Variants in LARGE1 observed in about 807,000 individuals in gnomAD.
LARGE1 encodes the protein xylosyl- and glucuronyltransferase LARGE1.
Under a neutral mutation model 87.6 loss-of-function variants are expected in LARGE1, and 43 were observed. The observed-to-expected ratio is 0.49, with a 90% confidence interval of 0.38 to 0.63. The LOEUF (loss-of-function observed/expected upper bound fraction) is 0.63, where lower values mean the gene tolerates loss of function less well. Among genes scored for constraint, LARGE1 ranks in the 30% least tolerant of loss-of-function variants. The pLI is 0.00. For synonymous variants in LARGE1, 434 were observed against 394.6 expected, an observed-to-expected ratio of 1.10 and a Z score of -1.18; for missense variants, 802 against 1,000.2, an observed-to-expected ratio of 0.80 and a Z score of 2.67.
rs1266371234 is a variant in LARGE1 at position 33,183,580 on chromosome 22, TAA to T, written c.1731-16750_1731-16749del. On this transcript the variant is annotated intron_variant, in intron 11 of 11. Transcript: ENST00000608642. ...CAATAGCCAAGATTTGAAAACAACC[TAA>T]GTCTCTATTGATGGATAAAACACAC... is the stretch of plus-strand genomic sequence containing the variant. Among the ~76,000 whole-genome samples, 5 of 149,802 alleles carry T rather than the reference TAA, an allele frequency of 3.3e-5. No homozygotes were observed. In the East Asian group the frequency reaches 9.8e-4, roughly 29 times the overall value.
At chr22:33,165,703 AT>A (rs1922232792) in exon 12 of LARGE1, 1 of 152,176 alleles carries the variant, frequency 6.6e-6, no homozygotes, top group Non-Finnish European at 1.5e-5. Flanking sequence ...TTTATCTCTG[AT>A]ATGATACAAT....
chr22:33,178,178 T>TAGGATCACC (rs1922979964), intron 11 of LARGE1, among the ~76,000 whole-genome samples: 1 of 152,180 alleles, frequency 6.6e-6, no homozygotes, highest in Non-Finnish European at 1.5e-5. Context: ...CCTGCATCAC[T>TAGGATCACC]AGGATCACCA....
chr22:33,739,386 A>G (rs2083789900), intron 2 of LARGE1, among the ~76,000 whole-genome samples: 1 of 152,246 alleles, frequency 6.6e-6, no homozygotes, highest in African/African-American at 2.4e-5. Context: ...CATAGCATGA[A>G]AAAAGGCATA....
chr22:33,465,499 A>G (rs1569187879), intron 6 of LARGE1, among the ~76,000 whole-genome samples: 2 of 152,190 alleles, frequency 1.3e-5, no homozygotes, highest in South Asian at 2.1e-4. Context: ...CACATATACC[A>G]ACAAAAACAA....
intron 11 of LARGE1, among the ~76,000 whole-genome samples, chr22:33,242,751 A>G (rs978312253): frequency 6.6e-6 from 1 of 152,204 alleles, no homozygotes; most frequent in Admixed American, 6.5e-5. Flanking sequence ...AACTGGTGGC[A>G]TATCAACAGA....
Position 33,498,699 on chromosome 22 carries a change from C to T in LARGE1, c.787+66149G>A, listed in dbSNP as rs556164770. ...TATAAAAAATAAAACAGGCCAGGCG[C>T]GGGGGCTCACACCTGTAATCCCAGC... On this transcript the variant is annotated intron_variant, in intron 6 of 14. Transcript: ENST00000397394. Among the ~76,000 whole-genome samples, 10 of 152,240 alleles carry T rather than the reference C, an allele frequency of 6.6e-5. No homozygotes were observed. In the South Asian group the frequency reaches 1.2e-3, roughly 19 times the overall value.
At chr22:33,365,557 T>C (rs2064553802) in intron 9 of LARGE1, among the ~76,000 whole-genome samples, 1 of 152,186 alleles carries the variant, frequency 6.6e-6, no homozygotes, top group South Asian at 2.1e-4. Flanking sequence ...GTTGCTTATA[T>C]ATTTTGTTTA....
rs1271737678 is a variant in LARGE1 at position 33,796,471 on chromosome 22, C to CAAA, written c.-82-34916_-82-34914dup. ...ACCTCTTTTGAGCCCCCGCTAGACT[C>CAAA]AAATTCCCAGGGAAAACAAAAAAGA... On this transcript the variant is annotated intron_variant, in intron 1 of 14. Coordinates refer to ENST00000397394, the MANE Select transcript of LARGE1 (RefSeq NM_133642.5). Among the ~76,000 whole-genome samples, 3 of 152,264 alleles carry CAAA rather than the reference C, an allele frequency of 2.0e-5. No individual in the cohort carries two copies. In the East Asian group the frequency reaches 5.8e-4, roughly 29 times the overall value.
intron 12 of LARGE1, among the ~76,000 whole-genome samples, chr22:33,285,276 C>T (rs975098167): frequency 2.0e-5 from 3 of 152,084 alleles, no homozygotes; most frequent in African/African-American, 7.2e-5. Context: ...AAAAGGTAGG[C>T]ATTGTAAGGC....
At chr22:33,831,474 G>C (rs932125481) in intron 1 of LARGE1, among the ~76,000 whole-genome samples, 1 of 152,146 alleles carries the variant, frequency 6.6e-6, no homozygotes, top group African/African-American at 2.4e-5. Flanking sequence ...CGTGAGGACG[G>C]AGTGGGAGGC....
intron 11 of LARGE1, among the ~76,000 whole-genome samples, chr22:33,211,260 T>G (rs1247538382): frequency 6.6e-6 from 1 of 152,138 alleles, no homozygotes; most frequent in Non-Finnish European, 1.5e-5. Context: ...ACAATAGTAT[T>G]GAAATAAGGA....
chr22:33,174,572 A>G (rs1018561253), intron 11 of LARGE1, among the ~76,000 whole-genome samples: 2 of 152,146 alleles, frequency 1.3e-5, no homozygotes, highest in Admixed American at 1.3e-4. Context: ...GAAAAGATCA[A>G]CAACAAAATA....
chr22:33,818,403 A>G (rs916692933), intron 1 of LARGE1, among the ~76,000 whole-genome samples: 1 of 152,140 alleles, frequency 6.6e-6, no homozygotes, highest in Non-Finnish European at 1.5e-5. Context: ...TTCAATGAAT[A>G]TTTTCTGAAT....
intron 9 of LARGE1, among the ~76,000 whole-genome samples, chr22:33,346,884 CAA>C (rs1250722045): frequency 6.6e-6 from 1 of 152,086 alleles, no homozygotes; most frequent in South Asian, 2.1e-4. Flanking sequence ...TAGGAATGCC[CAA>C]AAAGTTACAT....
At chr22:33,752,653 G>A (rs985570436) in intron 2 of LARGE1, among the ~76,000 whole-genome samples, 6 of 152,182 alleles carry the variant, frequency 3.9e-5, no homozygotes, top group Non-Finnish European at 8.8e-5. Flanking sequence ...AACTCCAAGG[G>A]AAGGATGAGA....
At chr22:33,888,262 G>GA (rs201913335) in intron 1 of LARGE1, among the ~76,000 whole-genome samples, 18 of 145,466 alleles carry the variant, frequency 1.2e-4, no homozygotes, top group Non-Finnish European at 2.3e-4. Flanking sequence ...TTTAAAAAAC[G>GA]AAAAAAAAAA....
At chr22:33,359,763 A>G (rs2146874183) in intron 9 of LARGE1, among the ~76,000 whole-genome samples, 1 of 148,412 alleles carries the variant, frequency 6.7e-6, no homozygotes, top group East Asian at 2.0e-4. Flanking sequence ...ATGGGGTTTC[A>G]CTGTGTTAGC....
At chr22:33,763,838 C>CTTT (rs71187279) in intron 1 of LARGE1, among the ~76,000 whole-genome samples, 6 of 71,190 alleles carry the variant, frequency 8.4e-5, no homozygotes, top group South Asian at 6.4e-4. Flanking sequence ...AATTAGTTTG[C>CTTT]TTTTTTTTTT....
intron 6 of LARGE1, chr22:33,436,479 G>T (rs904766484): frequency 6.5e-6 from 1 of 153,674 alleles, no homozygotes; most frequent in African/African-American, 2.4e-5. Context: ...AGGCTCCTGG[G>T]CTTCATTCAA....
Sources: gnomAD v4.1 joint callset for allele counts (sites outside exome capture counted in the v4.1 genomes callset) on GRCh38, gnomAD v4.1.1 for gene constraint, MANE v1.5 for transcripts, NCBI Gene and HGNC (gene_info 2026-07-23, HGNC 2026-07-21) for gene names.